The following ADGRL2 variants were observed in gnomAD, a reference collection of about 807,000 sequenced individuals.
The protein encoded by ADGRL2 is adhesion G protein-coupled receptor L2.
Under a neutral mutation model 157.4 loss-of-function variants are expected in ADGRL2, and 44 were observed. The observed-to-expected ratio is 0.28, with a 90% CI of 0.22 to 0.36. The LOEUF is 0.36. ADGRL2 is among the 10% of genes least tolerant of loss of function. The pLI is 1.00. For missense variants in ADGRL2, 1,510 were observed against 1,768.9 expected (o/e 0.85, Z 2.63); for synonymous variants, 585 against 624.7 (o/e 0.94, Z 0.95).
chr1:81,830,218 G>GT (rs2091844612), intron 1 of ADGRL2, among the ~76,000 whole-genome samples: 1 of 152,024 alleles, frequency 6.6e-6, no homozygotes, highest in South Asian at 2.1e-4. Context: ...AATACAGAAG[G>GT]TAAAAAAAAT....
intron 1 of ADGRL2, among the ~76,000 whole-genome samples, chr1:81,346,173 ACACTC>A (rs1181251735): frequency 6.6e-6 from 1 of 152,124 alleles, no homozygotes; most frequent in Non-Finnish European, 1.5e-5. Context: ...AGAGGTGGAG[ACACTC>A]ACATGAGAAT....
intron 2 of ADGRL2, among the ~76,000 whole-genome samples, chr1:81,766,087 A>G (rs751561377): frequency 1.3e-5 from 2 of 152,154 alleles, no homozygotes; most frequent in Non-Finnish European, 2.9e-5. Context: ...GGTTCATTTC[A>G]CAGGAATAAT....
chr1:81,686,006 A>G (rs765129023), intron 3 of ADGRL2, among the ~76,000 whole-genome samples: 3 of 152,162 alleles, frequency 2.0e-5, no homozygotes, highest in Non-Finnish European at 4.4e-5. Context: ...ATGGTGGATT[A>G]TCTTTTTGAT....
At chr1:81,337,080 A>T (rs1661697119) in intron 1 of ADGRL2, among the ~76,000 whole-genome samples, 2 of 152,204 alleles carry the variant, frequency 1.3e-5, no homozygotes, top group African/African-American at 4.8e-5. Context: ...AGCTGGGGAT[A>T]GTCGATTTCC....
chr1:81,779,384 G>A (rs1224378438), intron 2 of ADGRL2, among the ~76,000 whole-genome samples: 1 of 151,986 alleles, frequency 6.6e-6, no homozygotes, highest in East Asian at 1.9e-4. Flanking sequence ...GAATAAAGAT[G>A]CTTTGCTTTC....
chr1:81,630,383 T>C (rs573534571), intron 3 of ADGRL2, among the ~76,000 whole-genome samples: 301 of 152,246 alleles, frequency 2.0e-3, no homozygotes, highest in Non-Finnish European at 3.6e-3. Context: ...ATCGAATACT[T>C]TTTGAGCGCC....
chr1:81,456,145 A>C (rs986758891), intron 2 of ADGRL2, among the ~76,000 whole-genome samples: 4 of 152,218 alleles, frequency 2.6e-5, no homozygotes, highest in Non-Finnish European at 4.4e-5. Context: ...TAACAACACA[A>C]GTGTGGGTCT....
chr1:81,826,947 T>C (rs1342563273), intron 1 of ADGRL2, among the ~76,000 whole-genome samples: 1 of 152,200 alleles, frequency 6.6e-6, no homozygotes, highest in Non-Finnish European at 1.5e-5. Flanking sequence ...TACTTGTTAA[T>C]TGTAGGTTAA....
intron 1 of ADGRL2, among the ~76,000 whole-genome samples, chr1:81,829,268 G>T (rs1049169817): frequency 6.6e-6 from 1 of 152,150 alleles, no homozygotes; most frequent in African/African-American, 2.4e-5. Context: ...GGAAGCCAAA[G>T]AATCTATTCT....
chr1:81,975,629 CTTA>C (rs1457170695), intron 17 of ADGRL2, among the ~76,000 whole-genome samples: 4 of 148,588 alleles, frequency 2.7e-5, no homozygotes, highest in South Asian at 2.1e-4. Context: ...AAAGAAATCA[CTTA>C]TTATAATTGG....
intron 2 of ADGRL2, among the ~76,000 whole-genome samples, chr1:81,870,697 TAATA>T (rs1352765380): frequency 6.6e-6 from 1 of 152,124 alleles, no homozygotes; most frequent in Non-Finnish European, 1.5e-5. Flanking sequence ...TTGTTGGCAC[TAATA>T]GTGTTGAAAT....
chr1:81,581,244 T>G (rs1403428031), intron 3 of ADGRL2, among the ~76,000 whole-genome samples: 1 of 152,200 alleles, frequency 6.6e-6, no homozygotes. Context: ...AAGCAGGTAT[T>G]TGTACATTAA....
At chr1:81,548,529 C>A (rs1383710273) in intron 2 of ADGRL2, among the ~76,000 whole-genome samples, 1 of 151,852 alleles carries the variant, frequency 6.6e-6, no homozygotes, top group African/African-American at 2.4e-5. Context: ...AAGAGGAAAT[C>A]CAAAAGCTGA....
intron 17 of ADGRL2, among the ~76,000 whole-genome samples, chr1:81,976,310 A>C (rs901338869): frequency 2.4e-4 from 36 of 151,956 alleles, no homozygotes; most frequent in Non-Finnish European, 4.9e-4. Flanking sequence ...TGAAATGATG[A>C]TATTTTGTCC....
intron 3 of ADGRL2, among the ~76,000 whole-genome samples, chr1:81,932,958 T>C (rs899499455): frequency 6.6e-6 from 1 of 152,278 alleles, no homozygotes; most frequent in East Asian, 1.9e-4. Flanking sequence ...CACCTCGGCC[T>C]CCCAAAGTGC....
intron 1 of ADGRL2, among the ~76,000 whole-genome samples, chr1:81,383,060 G>C (rs2076370776): frequency 6.6e-6 from 1 of 152,144 alleles, no homozygotes; most frequent in Non-Finnish European, 1.5e-5. Flanking sequence ...TCCCAGGGTA[G>C]ACAAGTTAGC....
At chr1:81,596,330 C>A in intron 3 of ADGRL2, 1 of 547,524 alleles carries the variant, frequency 1.8e-6, no homozygotes, top group Admixed American at 2.0e-5. Flanking sequence ...TTCTCAAACT[C>A]TTGGTAGGCA....
chr1:81,668,421 A>G (rs945075485), intron 3 of ADGRL2, among the ~76,000 whole-genome samples: 1 of 152,156 alleles, frequency 6.6e-6, no homozygotes, highest in Non-Finnish European at 1.5e-5. Context: ...TGTCAAAAAA[A>G]AAAAAAAGCA....
At chr1:81,676,698 T>C (rs2082999049) in intron 3 of ADGRL2, among the ~76,000 whole-genome samples, 2 of 151,758 alleles carry the variant, frequency 1.3e-5, no homozygotes, top group Non-Finnish European at 2.9e-5. Flanking sequence ...TTTTATTTTA[T>C]TTTTTTTGAG....
Sources: gnomAD v4.1 joint callset for allele counts (sites outside exome capture counted in the v4.1 genomes callset) on GRCh38, gnomAD v4.1.1 for gene constraint, MANE v1.5 for transcripts, NCBI Gene and HGNC (gene_info 2026-07-23, HGNC 2026-07-21) for gene names.